Variants in LHFPL3 observed in about 807,000 individuals in gnomAD.
LHFPL3 encodes the protein LHFPL tetraspan subfamily member 3 protein.
LHFPL3 carries 5 observed loss-of-function variants against 19.3 expected under a neutral mutation model. The observed-to-expected ratio is 0.26, with a 90% CI of 0.14 to 0.54. The LOEUF is 0.54. LHFPL3 is among the 20% of genes least tolerant of loss of function. The probability of loss-of-function intolerance (pLI) is 0.94; values close to 1 mark genes in which losing one functional copy is unlikely to be tolerated. For missense variants in LHFPL3, 249 were observed against 307.4 expected (o/e 0.81, Z 1.42); for synonymous variants, 133 against 126.2 (o/e 1.05, Z -0.36).
intron 2 of LHFPL3, among the ~76,000 whole-genome samples, chr7:104,873,766 T>C (rs1182611241): frequency 6.6e-6 from 1 of 152,266 alleles, no homozygotes; most frequent in East Asian, 1.9e-4. Flanking sequence ...TTTTGGGTAC[T>C]AACTGCAAAC....
At chr7:104,779,941 A>G (rs1461470732) in intron 2 of LHFPL3, among the ~76,000 whole-genome samples, 1 of 152,096 alleles carries the variant, frequency 6.6e-6, no homozygotes, top group African/African-American at 2.4e-5. Flanking sequence ...ACTTTAATCT[A>G]TGTGATGGCT....
intron 1 of LHFPL3, among the ~76,000 whole-genome samples, chr7:104,679,378 C>T (rs1384369367): frequency 1.3e-5 from 2 of 152,238 alleles, no homozygotes; most frequent in Non-Finnish European, 2.9e-5. Flanking sequence ...TCATAAAACA[C>T]CCATACTTCC....
At chr7:104,664,267 T>C (rs1464208184) in intron 1 of LHFPL3, among the ~76,000 whole-genome samples, 1 of 152,222 alleles carries the variant, frequency 6.6e-6, no homozygotes, top group Admixed American at 6.5e-5. Flanking sequence ...TTAGGCAGTC[T>C]TGTACCAAAT....
At chr7:104,395,561 A>T (rs1389527101) in intron 1 of LHFPL3, among the ~76,000 whole-genome samples, 2 of 152,168 alleles carry the variant, frequency 1.3e-5, no homozygotes, top group African/African-American at 4.8e-5. Context: ...GTATTTGGTT[A>T]TCAGAAGGAC....
chr7:104,763,313 A>G (rs752191619), intron 2 of LHFPL3, among the ~76,000 whole-genome samples: 1 of 152,194 alleles, frequency 6.6e-6, no homozygotes. Context: ...GTTCCAAGAA[A>G]ACTAGTGGCT....
rs28589752 is a variant in LHFPL3 at position 104,809,194 on chromosome 7, G to A, written c.682+72283G>A. Among the ~76,000 whole-genome samples the A allele has an allele frequency of 9.7e-3, 1,469 of 152,194 alleles. 26 individuals are homozygous for A. Among genetic ancestry groups the A allele is most frequent in the African/African-American group, 0.032 (1,334 of 41,534 alleles). ...CAGGCGTGAGCCCGCGTGCCCAGCC[G>A]GATCTTGGACCCTCTTGACAAGAGT... is the stretch of plus-strand genomic sequence containing the variant. On this transcript the variant is annotated intron_variant, in intron 2 of 2. Transcript: ENST00000424859.
intron 1 of LHFPL3, among the ~76,000 whole-genome samples, chr7:104,697,972 A>G (rs999707900): frequency 1.3e-5 from 2 of 152,194 alleles, no homozygotes; most frequent in African/African-American, 4.8e-5. Context: ...CGGATTTCTT[A>G]TTCCCAGGTT....
intron 1 of LHFPL3, among the ~76,000 whole-genome samples, chr7:104,725,228 TCTAAGATAGC>T (rs1793567956): frequency 6.6e-6 from 1 of 152,160 alleles, no homozygotes; most frequent in Non-Finnish European, 1.5e-5. Flanking sequence ...AAATGAAAGT[TCTAAGATAGC>T]CTACCTTCAA....
chr7:104,468,822 C>T (rs1200892592), intron 1 of LHFPL3, among the ~76,000 whole-genome samples: 1 of 151,910 alleles, frequency 6.6e-6, no homozygotes, highest in Admixed American at 6.6e-5. Context: ...CCACACCCAG[C>T]CAATTTTTTT....
intron 1 of LHFPL3, among the ~76,000 whole-genome samples, chr7:104,728,061 T>A (rs1793622714): frequency 6.6e-6 from 1 of 152,138 alleles, no homozygotes; most frequent in African/African-American, 2.4e-5. Flanking sequence ...ATGGCAATGC[T>A]TGGGATGTGG....
At chr7:104,333,687 T>C (rs1239533424) in intron 1 of LHFPL3, among the ~76,000 whole-genome samples, 1 of 152,242 alleles carries the variant, frequency 6.6e-6, no homozygotes, top group African/African-American at 2.4e-5. Flanking sequence ...CTATATTTCT[T>C]AGCCTGCAAG....
chr7:104,534,514 C>A (rs1417675535), intron 1 of LHFPL3, among the ~76,000 whole-genome samples: 1 of 152,190 alleles, frequency 6.6e-6, no homozygotes, highest in Non-Finnish European at 1.5e-5. Context: ...ATTAACTAGA[C>A]CACTGCATGA....
chr7:104,700,778 T>G (rs1793087183), intron 1 of LHFPL3, among the ~76,000 whole-genome samples: 1 of 152,224 alleles, frequency 6.6e-6, no homozygotes, highest in South Asian at 2.1e-4. Flanking sequence ...TTTTTCTAGT[T>G]TTAATTACCT....
intron 1 of LHFPL3, among the ~76,000 whole-genome samples, chr7:104,440,037 G>GGC (rs752612091): frequency 3.2e-4 from 45 of 140,560 alleles, no homozygotes; most frequent in South Asian, 4.6e-4. Flanking sequence ...ACAAAGCCTG[G>GGC]GGGGGGGGAG....
At chr7:104,872,369 GCA>G (rs1436049634) in intron 2 of LHFPL3, among the ~76,000 whole-genome samples, 2 of 151,910 alleles carry the variant, frequency 1.3e-5, no homozygotes, top group African/African-American at 4.8e-5. Context: ...CACAGGCGAG[GCA>G]CAGTGGCTCA....
intron 1 of LHFPL3, among the ~76,000 whole-genome samples, chr7:104,693,052 C>T (rs1160541814): frequency 1.3e-5 from 2 of 152,214 alleles, no homozygotes; most frequent in Non-Finnish European, 2.9e-5. Context: ...GTTGCATCAC[C>T]TGGATGTGAG....
chr7:104,730,842 T>A (rs552683282), intron 1 of LHFPL3, among the ~76,000 whole-genome samples: 185 of 152,300 alleles, frequency 1.2e-3, no homozygotes, highest in African/African-American at 4.2e-3. Flanking sequence ...CTGAATTGTA[T>A]CGCCTAGGTT....
intron 2 of LHFPL3, among the ~76,000 whole-genome samples, chr7:104,872,757 A>G (rs963876861): frequency 6.6e-6 from 1 of 152,176 alleles, no homozygotes; most frequent in Non-Finnish European, 1.5e-5. Flanking sequence ...CGGAGCTGTC[A>G]TCTTCTATGA....
chr7:104,628,343 T>C (rs915875711), intron 1 of LHFPL3, among the ~76,000 whole-genome samples: 1 of 152,206 alleles, frequency 6.6e-6, no homozygotes, highest in Admixed American at 6.5e-5. Context: ...ACTGCCATAT[T>C]CAGCTAAGAT....
Sources: gnomAD v4.1 joint callset for allele counts (sites outside exome capture counted in the v4.1 genomes callset) on GRCh38, gnomAD v4.1.1 for gene constraint, MANE v1.5 for transcripts, NCBI Gene and HGNC (gene_info 2026-07-23, HGNC 2026-07-21) for gene names.